SYT11: variants seen among roughly 807,000 people sequenced by gnomAD.
The protein encoded by SYT11 is synaptotagmin-11.
In SYT11, 12 loss-of-function variants were observed where a neutral mutation model predicts 30.4. That is an observed-to-expected ratio of 0.39 (90% CI 0.25 to 0.64). The LOEUF is 0.64. Among genes scored for constraint, SYT11 ranks in the 30% least tolerant of loss-of-function variants. SYT11 has a pLI of 0.45. For missense variants in SYT11, 412 were observed against 552.0 expected, an observed-to-expected ratio of 0.75 and a Z score of 2.54; for synonymous variants, 204 against 216.0, an observed-to-expected ratio of 0.94 and a Z score of 0.49.
rs780996156 is a variant in SYT11 at position 155,859,735 on chromosome 1, G to T, written c.-27G>T. ...AGAGCTGTCTCACCATTGCAAAAAC[G>T]TTATAGCAACAGCCTCTGATTACGA... On this transcript the variant is annotated 5_prime_UTR_variant, in exon 1 of 4. Coordinates refer to ENST00000368324, the MANE Select transcript of SYT11 (RefSeq NM_152280.5). 2.5e-6 allele frequency: 4 copies of T among 1,613,476 alleles called. No homozygotes were observed. The highest frequency in any genetic ancestry group is 1.3e-5 in the African/African-American group (1 of 74,904).
chr1:155,874,586 C>CTT (rs1672831297), intron 2 of SYT11, among the ~76,000 whole-genome samples: 1 of 147,442 alleles, frequency 6.8e-6, no homozygotes. Context: ...GAGAGTGAGA[C>CTT]CCTATCTCAA....
chr1:155,877,432 C>T (rs1469501755), intron 2 of SYT11, among the ~76,000 whole-genome samples: 1 of 151,868 alleles, frequency 6.6e-6, no homozygotes, highest in Non-Finnish European at 1.5e-5. Flanking sequence ...CAGGGTCTCA[C>T]TCTGTCACCA....
At chr1:155,870,888 TCA>T (rs202066164) in intron 2 of SYT11, among the ~76,000 whole-genome samples, 1 of 44,338 alleles carries the variant, frequency 2.3e-5, no homozygotes, top group African/African-American at 3.4e-5. Flanking sequence ...CAGATCCATG[TCA>T]CAGGGGCCAG....
Position 155,861,364 on chromosome 1 carries a change from C to T in SYT11, c.34+1569C>T, listed in dbSNP as rs535744432. ...ATTCCCTTCCAACAGATTCCTTTCT[C>T]TAACTGCAGTTCCAGAATCCTTGAA... is the stretch of plus-strand genomic sequence containing the variant. On this transcript the variant is annotated intron_variant, in intron 1 of 3. Coordinates refer to ENST00000368324, the MANE Select transcript of SYT11 (RefSeq NM_152280.5). 5.3e-4 allele frequency among the ~76,000 whole-genome samples: 80 copies of T among 152,270 alleles called. 1 individual carries two copies. The highest frequency in any genetic ancestry group is 1.8e-3 in the African/African-American group (74 of 41,570).
At chr1:155,862,471 G>C (rs556436318) in intron 1 of SYT11, among the ~76,000 whole-genome samples, 1 of 152,264 alleles carries the variant, frequency 6.6e-6, no homozygotes, top group South Asian at 2.1e-4. Context: ...AGGCCAGGGG[G>C]AACAACTAGA....
At position 155,868,614 on chromosome 1, in the gene SYT11, C is replaced by T; in HGVS notation, c.684C>T (p.Thr228=). 6.2e-7 allele frequency: 1 copy of T among 1,614,186 alleles called. No individual in the cohort carries two copies. The highest frequency in any genetic ancestry group is 1.1e-5 in the South Asian group (1 of 91,080). The part of the protein sequence containing the change: ...TLDPVFDETF[T]FYGIPYSQLQ... ...ACCCTGTGTTTGACGAGACCTTCAC[C>T]TTCTATGGCATCCCCTACAGCCAGC... is the stretch of plus-strand genomic sequence containing the variant. Residue 228 remains threonine (T), a synonymous_variant, in exon 2 of 4, where the codon ACC becomes ACT. Coordinates refer to ENST00000368324, the MANE Select transcript of SYT11 (RefSeq NM_152280.5). This position sits in a 1 kb window ranked among gnomAD's most constrained non-coding sequence, Gnocchi z 4.7.
In SYT11 at chr1:155,881,244, CAAG is replaced by C; in HGVS notation, c.1038_1040del (p.Lys347del). 1.2e-6 allele frequency: 2 copies of C among 1,614,162 alleles called. No individual in the cohort carries two copies. Among genetic ancestry groups the C allele is most frequent in the Non-Finnish European group, 1.7e-6 (2 of 1,180,034 alleles). On this transcript the variant is annotated inframe_deletion, in exon 4 of 4. Coordinates refer to ENST00000368324, the MANE Select transcript of SYT11 (RefSeq NM_152280.5). ...TCTACTACGGCAGAAAGCGCATTGC[CAAG>C]AAGAAAACCCATGTGAAGAAGTGCA...
chr1:155,880,797 C>T (rs183430264), intron 3 of SYT11, among the ~76,000 whole-genome samples, 174 bp downstream of exon 3: 107 of 152,314 alleles, frequency 7.0e-4, no homozygotes, highest in Non-Finnish European at 1.1e-3. Context: ...ATTTCCCTGG[C>T]TAGGAAGATT....
chr1:155,880,422 T>C, intron 2 of SYT11, 78 bp from the exon 3 acceptor site: 1 of 1,567,848 alleles, frequency 6.4e-7, no homozygotes, highest in East Asian at 2.3e-5. Context: ...CCCAGACTCT[T>C]CCCACTGCTC....
chr1:155,860,608 G>T lies in SYT11; in HGVS notation c.34+813G>T, dbSNP rs1223522779. ...TGCTGGCGGGGGCGCGATCCAGGCCGGAGGGGGAGGGGCGAAAGAGGCCCA... is the reference window on the plus strand; with the variant it reads ...TGCTGGCGGGGGCGCGATCCAGGCCTGAGGGGGAGGGGCGAAAGAGGCCCA... On this transcript the variant is annotated intron_variant, in intron 1 of 3. Coordinates refer to ENST00000368324, the MANE Select transcript of SYT11 (RefSeq NM_152280.5). This position sits in a 1 kb window ranked among gnomAD's most constrained non-coding sequence, Gnocchi z 4.1. 6.6e-6 allele frequency among the ~76,000 whole-genome samples: 1 copy of T among 152,182 alleles called. No individual in the cohort carries two copies.
Position 155,863,244 on chromosome 1 carries a change from A to G in SYT11, c.34+3449A>G, listed in dbSNP as rs566277963. Among the ~76,000 whole-genome samples the G allele has an allele frequency of 1.0e-3, 153 of 152,232 alleles. 1 individual carries two copies. The highest frequency in any genetic ancestry group is 3.4e-3 in the African/African-American group (142 of 41,520). Reference sequence around the variant, plus strand: ...ACTGAGGCAAGAGGATCTTGAGGCCAGGAATTCAAAACCAGACTGGGCAAC... The same window carrying G: ...ACTGAGGCAAGAGGATCTTGAGGCCGGGAATTCAAAACCAGACTGGGCAAC... On this transcript the variant is annotated intron_variant, in intron 1 of 3. Coordinates refer to ENST00000368324, the MANE Select transcript of SYT11 (RefSeq NM_152280.5).
intron 2 of SYT11, among the ~76,000 whole-genome samples, chr1:155,875,945 G>A (rs1672852533): frequency 6.6e-6 from 1 of 152,142 alleles, no homozygotes; most frequent in South Asian, 2.1e-4. Flanking sequence ...TAGTGAACTA[G>A]CCTGGGAGCT....
rs1672986411 is a variant in SYT11 at position 155,882,095 on chromosome 1, A to G, written c.*587A>G. 1 of 151,684 alleles carries G rather than the reference A, an allele frequency of 6.6e-6. No individual in the cohort carries two copies. The highest frequency in any genetic ancestry group is 1.5e-5 in the Non-Finnish European group (1 of 67,944). The allele number at this position is 151,684 out of a possible 1,614,324, so 9.4% of individuals were successfully genotyped here. A position where few individuals can be genotyped will look rare whatever the true frequency, so the allele number is the denominator to read the frequency against. On this transcript the variant is annotated 3_prime_UTR_variant, in exon 4 of 4. Transcript: ENST00000368324. ...GAGAGGGAAAGACCCCTATAAATCT[A>G]TATATAACAATGTAACCATATACTT... is the stretch of plus-strand genomic sequence containing the variant.
At chr1:155,872,976 A>G (rs1428535051) in intron 2 of SYT11, among the ~76,000 whole-genome samples, 4 of 152,210 alleles carry the variant, frequency 2.6e-5, no homozygotes, top group East Asian at 1.9e-4. Context: ...GAAGTTGTCA[A>G]CTTTCCCAAA....
In SYT11 at chr1:155,868,450, C is replaced by G; in HGVS notation, c.520C>G (p.Leu174Val). 1.2e-6 allele frequency: 2 copies of G among 1,614,112 alleles called. No individual in the cohort carries two copies. The highest frequency in any genetic ancestry group is 1.7e-6 in the Non-Finnish European group (2 of 1,180,012). Residue 174 changes from leucine (L) to valine (V), a missense_variant, in exon 2 of 4, where the codon CTG becomes GTG. Leu to Val is a conservative substitution (Grantham distance 32). Transcript: ENST00000368324. This position sits in a 1 kb window ranked among gnomAD's most constrained non-coding sequence, Gnocchi z 4.7. The stretch of plus-strand genomic sequence containing the variant: ...GGACTATAACTTCCCGAAAAAAGCC[C>G]TGGTGGTGACAATCCAGGAGGCCCA... The part of the protein sequence containing the change: ...SVDYNFPKKA[L>V]VVTIQEAHGL...
chr1:155,882,250 G>A lies in SYT11; in HGVS notation c.*742G>A, dbSNP rs1672992270. On this transcript the variant is annotated 3_prime_UTR_variant, in exon 4 of 4. Transcript: ENST00000368324. ...CCTGAAATTGGCTTCTTTTTATTGG[G>A]CTTCTCTGGAGAATTTCTCCCACTC... The A allele has an allele frequency of 1.3e-5, 2 of 152,216 alleles. No individual in the cohort carries two copies. The highest frequency in any genetic ancestry group is 6.6e-5 in the Admixed American group (1 of 15,258). The allele number at this position is 152,216 out of a possible 1,614,324, so 9.4% of individuals were successfully genotyped here.
intron 1 of SYT11, among the ~76,000 whole-genome samples, chr1:155,862,677 T>C (rs978572569): frequency 6.6e-5 from 10 of 152,232 alleles, no homozygotes; most frequent in Admixed American, 3.3e-4. Flanking sequence ...AAATCTATGA[T>C]AGAGCCAAAA....
At chr1:155,874,323 A>G (rs1482387852) in intron 2 of SYT11, among the ~76,000 whole-genome samples, 2 of 101,510 alleles carry the variant, frequency 2.0e-5, no homozygotes, top group African/African-American at 2.7e-5. Context: ...TGAGGGACCA[A>G]GCATGGTGGC....
intron 2 of SYT11, among the ~76,000 whole-genome samples, chr1:155,871,278 T>C (rs577127215): frequency 6.6e-6 from 1 of 152,284 alleles, no homozygotes; most frequent in South Asian, 2.1e-4. Context: ...CCATCTTTTT[T>C]CCTCAGGGCT....
Sources: gnomAD v4.1 joint callset for allele counts (sites outside exome capture counted in the v4.1 genomes callset) on GRCh38, gnomAD v4.1.1 for gene constraint, Gnocchi (gnomAD v3.1) non-coding constraint, MANE v1.5 for transcripts, NCBI Gene and HGNC (gene_info 2026-07-23, HGNC 2026-07-21) for gene names.